The following DNAH12 variants were observed in gnomAD, a reference collection of about 807,000 sequenced individuals.
DNAH12 encodes the protein axonemal beta dynein heavy chain 12.
DNAH12 carries 285 observed loss-of-function variants against 371.5 expected under a neutral mutation model. That is an observed-to-expected ratio of 0.77 (90% confidence interval 0.70 to 0.85). The LOEUF is 0.85. Among genes scored for constraint, DNAH12 ranks in the 40% least tolerant of loss-of-function variants. The probability of loss-of-function intolerance (pLI) is 0.00; values close to 1 mark genes in which losing one functional copy is unlikely to be tolerated. For synonymous variants in DNAH12, 1,200 were observed against 1,213.0 expected, an observed-to-expected ratio of 0.99 and a Z score of 0.22; for missense variants, 3,611 against 3,689.4, an observed-to-expected ratio of 0.98 and a Z score of 0.55.
the DNAH12 span, among the ~76,000 whole-genome samples, chr3:57,551,645 T>C: frequency 6.6e-6 from 1 of 152,164 alleles, no homozygotes; most frequent in Non-Finnish European, 1.5e-5. Context: ...AACCCTAATT[T>C]CTAGTGACAA....
intron 32 of DNAH12, among the ~76,000 whole-genome samples, chr3:57,432,185 T>TTC (rs1553690093): frequency 1.7e-4 from 25 of 146,888 alleles, no homozygotes; most frequent in Admixed American, 1.1e-3. Flanking sequence ...TTTTTTTTTT[T>TTC]CTGAGATGGA....
At chr3:57,491,099 A>AAAAAAAAAAAAAAC (rs56259991) in intron 11 of DNAH12, among the ~76,000 whole-genome samples, 50 of 112,802 alleles carry the variant, frequency 4.4e-4, no homozygotes, top group South Asian at 9.4e-4. Flanking sequence ...AAAAAAAAAA[A>AAAAAAAAAAAAAAC]AACAACAAAT....
At chr3:57,483,950 CAAAA>C (rs71088079) in intron 12 of DNAH12, among the ~76,000 whole-genome samples, 1 of 64,100 alleles carries the variant, frequency 1.6e-5, no homozygotes. Flanking sequence ...GACCCTGTCT[CAAAA>C]AAAAAAAAAA....
chr3:57,453,239 T>A lies in DNAH12; in HGVS notation c.3613+8A>T. 1 of 1,523,596 alleles carries A rather than the reference T, an allele frequency of 6.6e-7. No homozygotes were observed. The highest frequency in any genetic ancestry group is 8.8e-7 in the Non-Finnish European group (1 of 1,139,784). The allele number at this position is 1,523,596 out of a possible 1,614,324, so 94.4% of individuals were successfully genotyped here. A position where few individuals can be genotyped will look rare whatever the true frequency, so the allele number is the denominator to read the frequency against. Reference sequence around the variant, plus strand: ...TTATCTTTAAAAATTAAAGAAAAAGTCACATACCCATTTTAATCATGTCCA... The same window carrying A: ...TTATCTTTAAAAATTAAAGAAAAAGACACATACCCATTTTAATCATGTCCA... On this transcript the variant is annotated splice_region_variant and intron_variant, in intron 24 of 73. Transcript: ENST00000495027.
Position 57,362,266 on chromosome 3 carries a change from T to C in DNAH12, c.9360+1328A>G, listed in dbSNP as rs1403402990. 7.9e-5 allele frequency among the ~76,000 whole-genome samples: 12 copies of C among 152,232 alleles called. No homozygotes were observed. The East Asian group carries it at 2.1e-3, about 27-fold the overall frequency. On this transcript the variant is annotated intron_variant, in intron 58 of 73. Coordinates refer to ENST00000495027, the MANE Select transcript of DNAH12 (RefSeq NM_001366028.2). Reference sequence around the variant, plus strand: ...CACATTTTCTTAATCCAGTCTATCATTGATGGACATTTGGGTTGGTTCCAA... The same window carrying C: ...CACATTTTCTTAATCCAGTCTATCACTGATGGACATTTGGGTTGGTTCCAA...
chr3:57,440,604 A>G (rs1377717781), intron 29 of DNAH12, among the ~76,000 whole-genome samples: 2 of 152,218 alleles, frequency 1.3e-5, no homozygotes, highest in Non-Finnish European at 2.9e-5. Flanking sequence ...GATGGTATCA[A>G]TAATACCTCA....
chr3:57,524,041 T>G (rs914643580), intron 2 of DNAH12, among the ~76,000 whole-genome samples, 157 bp from the exon 3 acceptor site: 5 of 152,200 alleles, frequency 3.3e-5, no homozygotes, highest in Non-Finnish European at 7.4e-5. Flanking sequence ...ACATTATCAA[T>G]GAGACCTTAA....
At position 57,310,882 on chromosome 3, in the gene DNAH12, A is replaced by G. The variant is rs1378505640; in HGVS notation, c.10731T>C (p.Tyr3577=). 1.3e-6 allele frequency: 2 copies of G among 1,551,518 alleles called. No homozygotes were observed. Among genetic ancestry groups the G allele is most frequent in the African/African-American group, 1.4e-5 (1 of 73,054 alleles). The change falls in exon 67 of 74, where the codon TAT becomes TAC. Residue 3577 remains tyrosine (Y), a synonymous_variant. Transcript: ENST00000495027. ...CCCAATCGTCTGTCACTCTTCCTCCATAATTACACTCCCCAGTCAGGTAAG... is the reference window on the plus strand; with the variant it reads ...CCCAATCGTCTGTCACTCTTCCTCCGTAATTACACTCCCCAGTCAGGTAAG... ...AISYLTGECN[Y]GGRVTDDWDR...
intron 40 of DNAH12, among the ~76,000 whole-genome samples, chr3:57,407,480 C>T (rs1033038677): frequency 2.6e-5 from 4 of 152,174 alleles, no homozygotes; most frequent in Non-Finnish European, 4.4e-5. Flanking sequence ...GAACAGCACA[C>T]ACTTTCCACT....
intron 17 of DNAH12, 98 bp downstream of exon 17, chr3:57,468,638 T>G (rs539170021): frequency 2.8e-6 from 2 of 709,694 alleles, no homozygotes; most frequent in East Asian, 7.1e-5. Flanking sequence ...ATAATAAACA[T>G]GTAAAACCAG....
rs567692363 is a variant in DNAH12 at position 57,475,291 on chromosome 3, T to G, written c.1651-2620A>C. 2.4e-4 allele frequency among the ~76,000 whole-genome samples: 36 copies of G among 151,936 alleles called. 1 individual carries two copies. Among genetic ancestry groups the G allele is most frequent in the Admixed American group, 2.0e-3 (31 of 15,264 alleles). ...ACTGCTCCATTTAACTGCACTAAAATTAAGGCAACATGGCAAGGCCTTGTC... is the reference window on the plus strand; with the variant it reads ...ACTGCTCCATTTAACTGCACTAAAAGTAAGGCAACATGGCAAGGCCTTGTC... On this transcript the variant is annotated intron_variant, in intron 13 of 73. Transcript: ENST00000495027.
chr3:57,384,541 G>C (rs1293652236), intron 49 of DNAH12, among the ~76,000 whole-genome samples: 2 of 152,092 alleles, frequency 1.3e-5, no homozygotes, highest in East Asian at 1.9e-4. Context: ...TTACTGAGGA[G>C]GCTAAGGTAG....
chr3:57,352,457 T>C (rs1379900340), intron 59 of DNAH12, among the ~76,000 whole-genome samples: 2 of 152,106 alleles, frequency 1.3e-5, no homozygotes, highest in South Asian at 2.1e-4. Context: ...AGAAACAAGA[T>C]GAAGGGTACG....
At chr3:57,459,087 T>A (rs17799458) in intron 20 of DNAH12, among the ~76,000 whole-genome samples, 1 of 152,182 alleles carries the variant, frequency 6.6e-6, no homozygotes, top group Non-Finnish European at 1.5e-5. Context: ...ATGTTCACTG[T>A]GTGTATGAAA....
chr3:57,368,529 T>C (rs1349175715), intron 55 of DNAH12, among the ~76,000 whole-genome samples: 1 of 152,066 alleles, frequency 6.6e-6, no homozygotes, highest in Non-Finnish European at 1.5e-5. Context: ...TTAGAAGTAG[T>C]AGGACCTTGT....
intron 4 of DNAH12, chr3:57,519,932 C>T: frequency 1.1e-6 from 1 of 920,564 alleles, no homozygotes. Flanking sequence ...AACATCTTGT[C>T]GCCTCCCGAC....
rs1156723220 is a variant in DNAH12 at position 57,301,720 on chromosome 3, ACACACAC to A, written c.11394+8_11394+14del. On this transcript the variant is annotated splice_region_variant and intron_variant, in intron 70 of 73. Coordinates refer to ENST00000495027, the MANE Select transcript of DNAH12 (RefSeq NM_001366028.2). ...CACACACACACACACACACACACAC[ACACACAC>A]ATTTTACCTGTAAAAAGTTCAACCG... 23 of 1,280,866 alleles carry A rather than the reference ACACACAC, an allele frequency of 1.8e-5. No homozygotes were observed. Among genetic ancestry groups the A allele is most frequent in the Non-Finnish European group, 2.4e-5 (22 of 925,000 alleles). 79.3% of individuals were successfully genotyped at this position (1,280,866 alleles called of 1,614,324 possible). A position where few individuals can be genotyped will look rare whatever the true frequency, so the allele number is the denominator to read the frequency against.
intron 12 of DNAH12, among the ~76,000 whole-genome samples, chr3:57,489,052 C>CATCT (rs1213988749): frequency 2.6e-5 from 4 of 152,112 alleles, no homozygotes; most frequent in Non-Finnish European, 5.9e-5. Flanking sequence ...AAGCAAAACA[C>CATCT]ATCTACATGA....
chr3:57,295,555 C>T lies in DNAH12; in HGVS notation c.11662G>A (p.Asp3888Asn). Residue 3888 changes from aspartate to asparagine, a missense_variant, in exon 73 of 74, where the codon GAC (aspartate) becomes AAC (asparagine). Coordinates refer to ENST00000495027, the MANE Select transcript of DNAH12 (RefSeq NM_001366028.2). ...TTTATCCATATGATGGGCATCAGGT[C>T]AAACAGAAGTTTGGGATATTGTTCA... ...LAEQYPKLLF[D>N]LMPIIWIKPT... 1 of 1,544,778 alleles carries T rather than the reference C, an allele frequency of 6.5e-7. No individual in the cohort carries two copies. The highest frequency in any genetic ancestry group is 8.7e-7 in the Non-Finnish European group (1 of 1,144,368).
Sources: gnomAD v4.1 joint callset for allele counts (sites outside exome capture counted in the v4.1 genomes callset) on GRCh38, gnomAD v4.1.1 for gene constraint, MANE v1.5 for transcripts, NCBI Gene and HGNC (gene_info 2026-07-23, HGNC 2026-07-21) for gene names.